Variants in ABR observed in about 807,000 individuals in gnomAD.
ABR encodes ABR activator of RhoGEF and GTPase.
ABR carries 35 observed loss-of-function variants against 107.2 expected under a neutral mutation model. The ratio of observed to expected loss-of-function variants is 0.33; its 90% CI spans 0.25 to 0.43. ABR has a LOEUF of 0.43. ABR is among the 20% of genes least tolerant of loss of function. The pLI is 1.00. For synonymous variants in ABR, 498 were observed against 462.0 expected (o/e 1.08, Z -1.00); for missense variants, 815 against 1,115.2 (o/e 0.73, Z 3.83).
At chr17:1,161,853 C>T (rs1431127674) in intron 1 of ABR, among the ~76,000 whole-genome samples, 1 of 152,170 alleles carries the variant, frequency 6.6e-6, no homozygotes, top group East Asian at 1.9e-4. Flanking sequence ...CAGCGCCCGG[C>T]CAGAAGTCAC....
At position 1,064,631 on chromosome 17, in the gene ABR, T is replaced by C. The variant is rs56409519; in HGVS notation, c.1182+2446A>G. 3.1e-3 allele frequency among the ~76,000 whole-genome samples: 300 copies of C among 97,400 alleles called. 13 individuals carry two copies. The highest frequency in any genetic ancestry group is 6.5e-3 in the African/African-American group (168 of 25,968). The allele number at this position is 97,400 out of a possible 152,430, so 63.9% of individuals were successfully genotyped here. A position where few individuals can be genotyped will look rare whatever the true frequency, so the allele number is the denominator to read the frequency against. On this transcript the variant is annotated intron_variant, in intron 10 of 22. Transcript: ENST00000302538. ...TATGTTCCTCTAGACACTGTTGTTATGTGAACTGAGGGCTATGCATGTTCC... is the reference window on the plus strand; with the variant it reads ...TATGTTCCTCTAGACACTGTTGTTACGTGAACTGAGGGCTATGCATGTTCC...
chr17:1,056,911 C>T lies in ABR; in HGVS notation c.1486+87G>A, dbSNP rs2033343454. ...AGCAGGGATCAGCCATTTACAGCCACATGTCTGTCTGAGTCCTTACGGGAA... is the reference window on the plus strand; with the variant it reads ...AGCAGGGATCAGCCATTTACAGCCATATGTCTGTCTGAGTCCTTACGGGAA... On this transcript the variant is annotated intron_variant, in intron 13 of 22. Coordinates refer to ENST00000302538, the MANE Select transcript of ABR (RefSeq NM_021962.5). 9.2e-6 allele frequency: 8 copies of T among 870,170 alleles called. No homozygotes were observed. The East Asian group carries it at 2.0e-4, about 22-fold the overall frequency. 53.9% of individuals were successfully genotyped at this position (870,170 alleles called of 1,614,324 possible).
intron 1 of ABR, among the ~76,000 whole-genome samples, chr17:1,173,196 A>ACC (rs2041799101): frequency 4.4e-5 from 2 of 45,508 alleles, no homozygotes; most frequent in African/African-American, 9.5e-5. Context: ...ACCTCAGTCA[A>ACC]CGCAACACAT....
rs376599946 is a variant in ABR, at chr17:1,220,339, G to C, written c.838+8454C>G. On this transcript the variant is annotated intron_variant, in intron 1 of 22. Coordinates refer to the ABR transcript ENST00000574139. Reference sequence around the variant, plus strand: ...TCATTTTTCTCAGCAGTTGAAAAACGCGACGTGAGGTCCAGGCAGCCTCCC... The same window carrying C: ...TCATTTTTCTCAGCAGTTGAAAAACCCGACGTGAGGTCCAGGCAGCCTCCC... 2.0e-5 allele frequency among the ~76,000 whole-genome samples: 3 copies of C among 152,116 alleles called. No individual in the cohort carries two copies. The East Asian group carries it at 5.8e-4, about 29-fold the overall frequency.
chr17:1,006,301 T>G, intron 22 of ABR, 132 bp from the exon 23 acceptor site: 1 of 822,342 alleles, frequency 1.2e-6, no homozygotes, highest in African/African-American at 1.7e-5. Flanking sequence ...AGCCCAGGTG[T>G]GTTTGCCTTT....
chr17:1,159,425 C>T (rs1311434065), intron 1 of ABR, among the ~76,000 whole-genome samples: 1 of 84,068 alleles, frequency 1.2e-5, no homozygotes, highest in East Asian at 4.5e-4. Flanking sequence ...TACTCACACA[C>T]GGGAGAGGTA....
At chr17:1,195,304 C>CAAAAAAAAGA (rs2042535842) in intron 1 of ABR, among the ~76,000 whole-genome samples, 1 of 87,638 alleles carries the variant, frequency 1.1e-5, no homozygotes, top group Non-Finnish European at 2.4e-5. Flanking sequence ...GAGACTGTCT[C>CAAAAAAAAGA]AAAAAAAAAA....
intron 1 of ABR, among the ~76,000 whole-genome samples, chr17:1,171,421 C>A (rs1333596892): frequency 6.6e-6 from 1 of 152,190 alleles, no homozygotes; most frequent in African/African-American, 2.4e-5. Context: ...CTAGGCAGCA[C>A]CAGCTCCACC....
In ABR at chr17:1,007,207, G is replaced by A. The variant is rs748559657; in HGVS notation, c.2448C>T (p.Leu816=). The A allele has an allele frequency of 3.1e-6, 5 of 1,613,936 alleles. No homozygotes were observed. The highest frequency in any genetic ancestry group is 4.2e-6 in the Non-Finnish European group (5 of 1,179,992). ...RPSEVESKAH[L]TSAADIWSHD... The stretch of plus-strand genomic sequence containing the variant: ...GGGACCAGATGTCCGCAGCCGAGGT[G>A]AGGTGTGCTTTGCTCTCCACTTCTG... Residue 816 remains leucine (L), a synonymous_variant, in exon 22 of 23, where the codon CTC becomes CTT. Transcript: ENST00000302538.
chr17:1,012,440 C>G (rs533101880), intron 18 of ABR: 2 of 688,842 alleles, frequency 2.9e-6, no homozygotes, highest in African/African-American at 1.8e-5. Flanking sequence ...CCGCTTGTTA[C>G]GAGGAGCAGA....
At chr17:1,137,848 G>A (rs2040142643) in intron 1 of ABR, among the ~76,000 whole-genome samples, 1 of 152,166 alleles carries the variant, frequency 6.6e-6, no homozygotes, top group Non-Finnish European at 1.5e-5. Flanking sequence ...ACCGCAGGAG[G>A]CTATTTACTT....
Position 1,006,118 on chromosome 17 carries a change from G to T in ABR, c.2542C>A (p.Leu848Ile). The T allele has an allele frequency of 6.3e-7, 1 of 1,587,042 alleles. No individual in the cohort carries two copies. The highest frequency in any genetic ancestry group is 1.2e-5 in the South Asian group (1 of 86,866). ...GAGAAGTACAGTGTGTTCCGCTTGA[G>T]TTCTGCGAAGGAAATGGGGGGGTGC... ...LQHPPISFAE[L>I]KRNTLYFSTD... Residue 848 changes from leucine to isoleucine, a missense_variant, in exon 23 of 23, where the codon CTC (leucine) becomes ATC (isoleucine). Leu to Ile is a conservative substitution (Grantham distance 5, BLOSUM62 2). Transcript: ENST00000302538.
At chr17:1,132,659 G>A (rs752150271) in intron 1 of ABR, among the ~76,000 whole-genome samples, 10 of 152,048 alleles carry the variant, frequency 6.6e-5, no homozygotes, top group Non-Finnish European at 1.0e-4. Flanking sequence ...TTACAGGCGT[G>A]AGCCACCACA....
At chr17:1,217,654 C>A (rs1048685459) in intron 1 of ABR, among the ~76,000 whole-genome samples, 3 of 152,148 alleles carry the variant, frequency 2.0e-5, no homozygotes, top group Admixed American at 2.0e-4. Context: ...AGCCGTGAAT[C>A]GAACCCAGGC....
chr17:1,013,048 T>G, intron 17 of ABR, 57 bp downstream of exon 17: 1 of 1,597,802 alleles, frequency 6.3e-7, no homozygotes, highest in Non-Finnish European at 8.6e-7. Flanking sequence ...GCCCACCTGC[T>G]GCACAGACGT....
At position 1,179,558 on chromosome 17, in the gene ABR, T is replaced by TGGGTCCCGATCCCGATCTTG; in HGVS notation, c.61+89_61+108dup. On this transcript the variant is annotated intron_variant, in intron 1 of 22. Transcript: ENST00000302538. This position sits in a 1 kb window ranked among gnomAD's most constrained non-coding sequence, Gnocchi z 4.9. ...GCGCTCCCCGGACCAGCCCGGTGCC[T>TGGGTCCCGATCCCGATCTTG]GGGTCCCGATCCCGATCTTGGGGTC... 8.3e-7 allele frequency: 1 copy of TGGGTCCCGATCCCGATCTTG among 1,202,832 alleles called. No individual in the cohort carries two copies. The highest frequency in any genetic ancestry group is 3.2e-5 in the East Asian group (1 of 30,830). The allele number at this position is 1,202,832 out of a possible 1,614,324, so 74.5% of individuals were successfully genotyped here. A position where few individuals can be genotyped will look rare whatever the true frequency, so the allele number is the denominator to read the frequency against.
rs984449729 is a variant in ABR, at chr17:1,051,338, G to A, written c.1562-704C>T. ...CCTGCCGGTGTACCCGCAGTACCAA[G>A]AACAGGGCTGGGAACCCAGCTGGCA... On this transcript the variant is annotated intron_variant, in intron 14 of 22. Coordinates refer to ENST00000302538, the MANE Select transcript of ABR (RefSeq NM_021962.5). The surrounding 1 kb of genome is among the most constrained non-coding windows in gnomAD (Gnocchi z 4.3). 6.6e-6 allele frequency among the ~76,000 whole-genome samples: 1 copy of A among 151,600 alleles called. No individual in the cohort carries two copies. Among genetic ancestry groups the A allele is most frequent in the African/African-American group, 2.4e-5 (1 of 41,316 alleles).
At chr17:1,022,845 A>C (rs956544437) in intron 16 of ABR, among the ~76,000 whole-genome samples, 8 of 152,310 alleles carry the variant, frequency 5.3e-5, no homozygotes, top group Non-Finnish European at 8.8e-5. Context: ...TTCCCCTCCA[A>C]CACCAGAGAA....
rs951483120 is a variant in ABR at position 1,004,985 on chromosome 17, C to T, written c.*1095G>A. The T allele has an allele frequency of 8.0e-5, 32 of 398,998 alleles. No individual in the cohort carries two copies. Among genetic ancestry groups the T allele is most frequent in the Non-Finnish European group, 1.3e-4 (29 of 226,260 alleles). The allele number at this position is 398,998 out of a possible 1,614,324, so 24.7% of individuals were successfully genotyped here. A position where few individuals can be genotyped will look rare whatever the true frequency, so the allele number is the denominator to read the frequency against. On this transcript the variant is annotated 3_prime_UTR_variant, in exon 23 of 23. Coordinates refer to ENST00000302538, the MANE Select transcript of ABR (RefSeq NM_021962.5). ...TGCAGCCTACCTGCCTGGACACCTG[C>T]TTCGGCCACATCAGTCACCCTCCAG... is the stretch of plus-strand genomic sequence containing the variant.
Sources: allele counts gnomAD v4.1 joint callset (sites outside exome capture counted in the v4.1 genomes callset), GRCh38; gene constraint gnomAD v4.1.1; non-coding constraint Gnocchi (gnomAD v3.1); transcripts MANE v1.5; gene names NCBI Gene and HGNC (gene_info 2026-07-23, HGNC 2026-07-21).